Variants in SHANK2 observed in about 807,000 individuals in gnomAD.
The protein encoded by SHANK2 is SH3 and multiple ankyrin repeat domains 2, also known as SH3 and multiple ankyrin repeat domains protein 2.
A neutral mutation model predicts 133.7 loss-of-function variants in SHANK2; 43 were observed. That is an observed-to-expected ratio of 0.32 (90% CI 0.25 to 0.41). The LOEUF is 0.41. Among genes scored for constraint, SHANK2 ranks in the 10% least tolerant of loss-of-function variants. The pLI, the probability that SHANK2 is intolerant of heterozygous loss-of-function variation, is 1.00. For missense variants in SHANK2, 1,994 were observed against 2,235.8 expected (o/e 0.89, Z 2.18); for synonymous variants, 1,017 against 952.8 (o/e 1.07, Z -1.24).
chr11:70,944,456 G>A (rs1309313816), intron 10 of SHANK2, among the ~76,000 whole-genome samples: 3 of 152,194 alleles, frequency 2.0e-5, no homozygotes, highest in Admixed American at 6.5e-5. Context: ...AGGAGGGGCC[G>A]ATTCGAGAAC....
At chr11:71,137,061 C>T (rs1952453001) in intron 3 of SHANK2, among the ~76,000 whole-genome samples, 1 of 152,044 alleles carries the variant, frequency 6.6e-6, no homozygotes, top group Non-Finnish European at 1.5e-5. Context: ...CTGGATTTCA[C>T]AATGTTGGCC....
At chr11:70,687,294 AC>A (rs1434988569) in intron 15 of SHANK2, among the ~76,000 whole-genome samples, 5 of 152,130 alleles carry the variant, frequency 3.3e-5, no homozygotes, top group Non-Finnish European at 5.9e-5. Context: ...CAGGCTTGAA[AC>A]CTGCTTGCTG....
intron 11 of SHANK2, among the ~76,000 whole-genome samples, chr11:70,833,107 C>G (rs1948749869): frequency 6.6e-6 from 1 of 152,388 alleles, no homozygotes; most frequent in East Asian, 1.9e-4. Context: ...CGAGTTCGAG[C>G]CCATCAGACA....
intron 10 of SHANK2, among the ~76,000 whole-genome samples, chr11:70,916,909 G>T (rs981616839): frequency 6.6e-6 from 1 of 152,168 alleles, no homozygotes; most frequent in Non-Finnish European, 1.5e-5. Flanking sequence ...CGGTACCTGC[G>T]ACCTTAAGCA....
intron 14 of SHANK2, among the ~76,000 whole-genome samples, chr11:70,723,139 C>T (rs1662929365): frequency 1.3e-5 from 2 of 152,160 alleles, no homozygotes; most frequent in South Asian, 4.1e-4. Flanking sequence ...GGTCTTCAGG[C>T]CCTGATGTGA....
rs2058578256 is a variant in SHANK2, at chr11:70,469,953, A to G, written c.*2916T>C. ...TTGTATACACAATATTACAGAAACTAGGCATGTAAATGCAGTTTATTTAAA... is the reference window on the plus strand; with the variant it reads ...TTGTATACACAATATTACAGAAACTGGGCATGTAAATGCAGTTTATTTAAA... On this transcript the variant is annotated 3_prime_UTR_variant, in exon 26 of 26. Transcript: ENST00000601538. 6.6e-6 allele frequency: 1 copy of G among 152,642 alleles called. No individual in the cohort carries two copies. The highest frequency in any genetic ancestry group is 1.5e-5 in the Non-Finnish European group (1 of 68,052). The allele number at this position is 152,642 out of a possible 1,614,324, so 9.5% of individuals were successfully genotyped here. A position where few individuals can be genotyped will look rare whatever the true frequency, so the allele number is the denominator to read the frequency against.
chr11:70,664,153 G>A (rs1555014256), intron 15 of SHANK2, among the ~76,000 whole-genome samples: 1 of 152,172 alleles, frequency 6.6e-6, no homozygotes, highest in Non-Finnish European at 1.5e-5. Flanking sequence ...GCATTGATGA[G>A]CAGACCCTCT....
chr11:71,153,717 C>G (rs141488657), intron 2 of SHANK2, among the ~76,000 whole-genome samples: 1 of 152,120 alleles, frequency 6.6e-6, no homozygotes, highest in Non-Finnish European at 1.5e-5. Flanking sequence ...CTGTAATCCC[C>G]GCACTTTCAG....
rs1354412383 is a variant in SHANK2 at position 71,235,632 on chromosome 11, A to G, written c.-112-10836T>C. Among the ~76,000 whole-genome samples the G allele has an allele frequency of 2.0e-5, 3 of 151,574 alleles. No individual in the cohort carries two copies. In the East Asian group the frequency reaches 5.8e-4, roughly 29 times the overall value. On this transcript the variant is annotated intron_variant, in intron 1 of 25. Coordinates refer to ENST00000601538, the MANE Select transcript of SHANK2 (RefSeq NM_012309.5). ...AAAACGTTAACTTTATGTTACCTGT[A>G]TTTTACCTCCATAAAGGAACTAAAA...
chr11:71,205,500 G>T (rs782636760), intron 2 of SHANK2, among the ~76,000 whole-genome samples: 2 of 152,208 alleles, frequency 1.3e-5, no homozygotes, highest in Non-Finnish European at 2.9e-5. Context: ...CCCTCAGGAG[G>T]CAGTGCCAGG....
chr11:71,179,046 G>A (rs1555113441), intron 2 of SHANK2, among the ~76,000 whole-genome samples: 1 of 152,092 alleles, frequency 6.6e-6, no homozygotes, highest in Non-Finnish European at 1.5e-5. Flanking sequence ...AAAGAAAATT[G>A]GAGGATTATA....
intron 3 of SHANK2, among the ~76,000 whole-genome samples, chr11:71,122,653 A>G (rs1555101728): frequency 6.6e-6 from 1 of 152,196 alleles, no homozygotes; most frequent in Admixed American, 6.5e-5. Context: ...TAATTTTAAA[A>G]AAAAGTGAGA....
chr11:70,492,498 C>G (rs904754457), intron 21 of SHANK2, 33 bp from the exon 22 acceptor site: 1 of 1,613,268 alleles, frequency 6.2e-7, no homozygotes, highest in East Asian at 2.2e-5. Context: ...GGAGCAGCAA[C>G]ACCAGTGGGG....
At chr11:71,243,477 G>A (rs752920399) in intron 1 of SHANK2, among the ~76,000 whole-genome samples, 9 of 152,128 alleles carry the variant, frequency 5.9e-5, no homozygotes, top group Non-Finnish European at 1.2e-4. Context: ...GGCGGATCAC[G>A]AGGTCAGGAG....
chr11:70,696,879 A>G (rs10793250), intron 15 of SHANK2, among the ~76,000 whole-genome samples: 81,089 of 152,152 alleles, frequency 0.53, 21,976 homozygotes, highest in African/African-American at 0.6. Context: ...ACTGATGGAT[A>G]AAGGGATGAG....
intron 10 of SHANK2, among the ~76,000 whole-genome samples, chr11:70,939,855 T>C (rs1555084045): frequency 6.6e-6 from 1 of 152,176 alleles, no homozygotes; most frequent in African/African-American, 2.4e-5. Context: ...AAGTTAACGA[T>C]CTTCAGATGC....
intron 2 of SHANK2, among the ~76,000 whole-genome samples, chr11:71,222,677 A>T (rs1178660973): frequency 6.6e-6 from 1 of 152,228 alleles, no homozygotes; most frequent in African/African-American, 2.4e-5. Flanking sequence ...TGCTGACAAC[A>T]TCTTATGGCT....
At chr11:70,577,566 CT>C (rs1256932610) in intron 17 of SHANK2, among the ~76,000 whole-genome samples, 1 of 152,250 alleles carries the variant, frequency 6.6e-6, no homozygotes, top group Non-Finnish European at 1.5e-5. Flanking sequence ...GCTGCTACTC[CT>C]TTTGCAGGGG....
At chr11:70,911,359 A>C (rs1238476342) in intron 10 of SHANK2, among the ~76,000 whole-genome samples, 1 of 149,464 alleles carries the variant, frequency 6.7e-6, no homozygotes, top group Admixed American at 6.6e-5. Context: ...CCATCTCAAA[A>C]AAAACAAAAA....
Sources: allele counts gnomAD v4.1 joint callset (sites outside exome capture counted in the v4.1 genomes callset), GRCh38; gene constraint gnomAD v4.1.1; transcripts MANE v1.5; gene names NCBI Gene and HGNC (gene_info 2026-07-23, HGNC 2026-07-21).